Variants in ERBB3 observed in about 807,000 individuals in gnomAD.
ERBB3 encodes erb-b2 receptor tyrosine kinase 3.
Under a neutral mutation model 156.7 loss-of-function variants are expected in ERBB3, and 96 were observed. The ratio of observed to expected loss-of-function variants is 0.61; its 90% CI spans 0.52 to 0.73. ERBB3 has a LOEUF of 0.73. Among genes scored for constraint, ERBB3 ranks in the 30% least tolerant of loss-of-function variants. ERBB3 has a pLI of 0.00. For synonymous variants in ERBB3, 567 were observed against 632.0 expected (o/e 0.90, Z 1.54); for missense variants, 1,406 against 1,709.4 (o/e 0.82, Z 3.13).
Position 56,102,535 on chromosome 12 carries a change from G to A in ERBB3, c.*480G>A, listed in dbSNP as rs560635272. 9.9e-4 allele frequency: 241 copies of A among 243,538 alleles called. 1 individual carries two copies. Among genetic ancestry groups the A allele is most frequent in the African/African-American group, 5.0e-3 (229 of 45,464 alleles). The allele number at this position is 243,538 out of a possible 1,614,324, so 15.1% of individuals were successfully genotyped here. Reference sequence around the variant, plus strand: ...GAAGCTTAAAATCTGTGAAGAAAGAGGTTAGGAGTAGATATTGATTACTAT... The same window carrying A: ...GAAGCTTAAAATCTGTGAAGAAAGAAGTTAGGAGTAGATATTGATTACTAT... On this transcript the variant is annotated 3_prime_UTR_variant, in exon 28 of 28. Transcript: ENST00000267101.
intron 21 of ERBB3, 51 bp from the exon 22 acceptor site, chr12:56,098,449 T>C (rs750513378): frequency 7.6e-7 from 1 of 1,308,238 alleles, no homozygotes; most frequent in South Asian, 1.2e-5. Flanking sequence ...TTGGAAATCC[T>C]AAGAAAATTT....
In ERBB3 at chr12:56,102,889, G is replaced by A. The variant is rs1273447791; in HGVS notation, c.*834G>A. 1 of 225,132 alleles carries A rather than the reference G, an allele frequency of 4.4e-6. No individual in the cohort carries two copies. Among genetic ancestry groups the A allele is most frequent in the Non-Finnish European group, 8.8e-6 (1 of 113,310 alleles). The allele number at this position is 225,132 out of a possible 1,614,324, so 13.9% of individuals were successfully genotyped here. On this transcript the variant is annotated 3_prime_UTR_variant, in exon 28 of 28. Coordinates refer to ENST00000267101, the MANE Select transcript of ERBB3 (RefSeq NM_001982.4). ...TGTAATCCCAGCCAGCACTTTGGGA[G>A]GCTGAGATGGGAAGATCACTTGAGC...
chr12:56,101,063 G>A lies in ERBB3; in HGVS notation c.3204G>A (p.Glu1068=). The A allele has an allele frequency of 6.2e-7, 1 of 1,613,158 alleles. No homozygotes were observed. The highest frequency in any genetic ancestry group is 8.5e-7 in the Non-Finnish European group (1 of 1,179,700). The change falls in exon 27 of 28, where the codon GAG becomes GAA. Residue 1068 remains glutamate, a splice_region_variant and synonymous_variant. Coordinates refer to ENST00000267101, the MANE Select transcript of ERBB3 (RefSeq NM_001982.4). ...TTTCTGTTTATTTTCTTCCTTAGGA[G>A]TCTGCAGTTTCTGGGAGCAGTGAAC... The part of the protein sequence containing the change: ...NQGNLGESCQ[E]SAVSGSSERC...
chr12:56,083,774 C>T lies in ERBB3; in HGVS notation c.106C>T (p.Leu36=), dbSNP rs1475856748. The T allele has an allele frequency of 3.1e-6, 5 of 1,614,140 alleles. No individual in the cohort carries two copies. The South Asian group carries it at 4.4e-5, about 14-fold the overall frequency. The change falls in exon 2 of 28, where the codon CTG becomes TTG. Residue 36 remains leucine (L), a synonymous_variant. Coordinates refer to ENST00000267101, the MANE Select transcript of ERBB3 (RefSeq NM_001982.4). The stretch of plus-strand genomic sequence containing the variant: ...AGTGTGTCCTGGGACTCTGAATGGC[C>T]TGAGTGTGACCGGCGATGCTGAGAA... ...QAVCPGTLNG[L]SVTGDAENQY...
chr12:56,083,883 C>A lies in ERBB3; in HGVS notation c.215C>A (p.Ala72Asp), dbSNP rs570614098. Reference protein sequence around the residue: ...NLEIVLTGHNADLSFLQWIRE... With the variant: ...NLEIVLTGHNDDLSFLQWIRE... ...GAGATTGTGCTCACGGGACACAATGCCGACCTCTCCTTCCTGCAGGTTAGT... is the reference window on the plus strand; with the variant it reads ...GAGATTGTGCTCACGGGACACAATGACGACCTCTCCTTCCTGCAGGTTAGT... Residue 72 changes from alanine (A) to aspartate (D), a missense_variant, in exon 2 of 28, where the codon GCC becomes GAC. Ala to Asp is a moderately radical substitution (Grantham distance 126, BLOSUM62 -2). This residue lies in a region of ERBB3 where 979 missense variants were observed against 1,219.6 expected (regional missense o/e 0.80). Transcript: ENST00000267101. 1 of 1,614,058 alleles carries A rather than the reference C, an allele frequency of 6.2e-7. No individual in the cohort carries two copies. Among genetic ancestry groups the A allele is most frequent in the African/African-American group, 1.3e-5 (1 of 74,998 alleles).
Position 56,103,101 on chromosome 12 carries a change from C to T in ERBB3, c.*1046C>T. The T allele has an allele frequency of 4.3e-6, 1 of 230,884 alleles. No individual in the cohort carries two copies. The highest frequency in any genetic ancestry group is 2.2e-5 in the African/African-American group (1 of 45,140). The allele number at this position is 230,884 out of a possible 1,614,324, so 14.3% of individuals were successfully genotyped here. On this transcript the variant is annotated 3_prime_UTR_variant, in exon 28 of 28. Transcript: ENST00000267101. Reference sequence around the variant, plus strand: ...CAAGAAAAACTGATTTAAGTTACAGCCCTTGTTTAAGGGGCACTGTTTCTT... The same window carrying T: ...CAAGAAAAACTGATTTAAGTTACAGTCCTTGTTTAAGGGGCACTGTTTCTT...
At chr12:56,085,761 C>CAAAAAAA (rs57274370) in intron 3 of ERBB3, 1 of 95,458 alleles carries the variant, frequency 1.0e-5, no homozygotes, top group African/African-American at 5.4e-5. Flanking sequence ...GACTCCGTCT[C>CAAAAAAA]AAAAAAAAAA....
rs1178034903 is a variant in ERBB3, at chr12:56,094,142, C to G, written c.1657C>G (p.His553Asp). 1 of 1,614,130 alleles carries G rather than the reference C, an allele frequency of 6.2e-7. No homozygotes were observed. Among genetic ancestry groups the G allele is most frequent in the South Asian group, 1.1e-5 (1 of 91,084 alleles). The change falls in exon 14 of 28, where the codon CAC becomes GAC. Residue 553 changes from histidine to aspartate, a missense_variant. Physicochemically the swap from His to Asp is moderately conservative, Grantham distance 81. Around this residue, in one of 3 missense-constraint regions of ERBB3, gnomAD observed 979 missense variants for 1,219.6 expected, o/e 0.80. Transcript: ENST00000267101. ...CCATGAGGCCGAATGCTTCTCCTGC[C>G]ACCCGGAATGCCAACCCATGGAGGG... ...FAHEAECFSC[H>D]PECQPMEGTA... is the part of the protein sequence containing the mutation.
Position 56,099,862 on chromosome 12 carries a change from C to T in ERBB3, c.2962C>T (p.Pro988Ser), listed in dbSNP as rs1869029605. 1.2e-6 allele frequency: 2 copies of T among 1,614,144 alleles called. No homozygotes were observed. The highest frequency in any genetic ancestry group is 4.5e-5 in the East Asian group (2 of 44,872). ...GAGAGAGAGTGGGCCTGGAATAGCCCCTGGGCCAGAGCCCCATGGTCTGAC... is the reference window on the plus strand; with the variant it reads ...GAGAGAGAGTGGGCCTGGAATAGCCTCTGGGCCAGAGCCCCATGGTCTGAC... The part of the protein sequence containing the change: ...IKRESGPGIA[P>S]GPEPHGLTNK... Residue 988 changes from proline to serine, a missense_variant, in exon 25 of 28, where the codon CCT becomes TCT. By Grantham distance (74) the Pro-to-Ser change is moderately conservative. Transcript: ENST00000267101.
rs2136794925 is a variant in ERBB3, at chr12:56,088,029, G to A, written c.741G>A (p.Arg247=). The A allele has an allele frequency of 6.2e-7, 1 of 1,614,080 alleles. No individual in the cohort carries two copies. Among genetic ancestry groups the A allele is most frequent in the Non-Finnish European group, 8.5e-7 (1 of 1,180,012 alleles). The stretch of plus-strand genomic sequence containing the variant: ...GCCTCCTTTTTTCCCAGGCCTGCCG[G>A]CACTTCAATGACAGTGGAGCCTGTG... ...GPQDTDCFAC[R]HFNDSGACVP... The change falls in exon 7 of 28, where the codon CGG becomes CGA. Residue 247 remains arginine, a synonymous_variant. Coordinates refer to ENST00000267101, the MANE Select transcript of ERBB3 (RefSeq NM_001982.4).
chr12:56,095,876 A>T (rs746974544), intron 17 of ERBB3, 70 bp downstream of exon 17: 387 of 1,552,284 alleles, frequency 2.5e-4, no homozygotes, highest in Non-Finnish European at 3.0e-4. Context: ...TTTATAGCTT[A>T]ATTTTGAGTG....
Position 56,093,550 on chromosome 12 carries a change from G to A in ERBB3, c.1480G>A (p.Val494Met), listed in dbSNP as rs182692782. 5.0e-6 allele frequency: 8 copies of A among 1,610,016 alleles called. No individual in the cohort carries two copies. Among genetic ancestry groups the A allele is most frequent in the Non-Finnish European group, 5.9e-6 (7 of 1,179,414 alleles). ...IKHNRPRRDC[V>M]AEGKVCDPLC... ...GCATAATCGGCCGCGCAGAGACTGC[G>A]GTGAGGGAAAGGGTCTGCTAGGTGG... is the stretch of plus-strand genomic sequence containing the variant. The change falls in exon 12 of 28, where the codon GTG (valine) becomes ATG (methionine). Residue 494 changes from valine (V) to methionine (M), a missense_variant and splice_region_variant. Around this residue, in one of 3 missense-constraint regions of ERBB3, gnomAD observed 979 missense variants for 1,219.6 expected, o/e 0.80. Transcript: ENST00000267101.
intron 9 of ERBB3, among the ~76,000 whole-genome samples, chr12:56,092,389 C>CAAA (rs60865127): frequency 8.2e-4 from 35 of 42,870 alleles, no homozygotes; most frequent in East Asian, 2.3e-3. Context: ...GACTCTGTCT[C>CAAA]AAAAAAAAAA....
chr12:56,098,956 T>A, intron 23 of ERBB3, 51 bp downstream of exon 23: 2 of 307,564 alleles, frequency 6.5e-6, no homozygotes, highest in South Asian at 6.1e-5. Context: ...TTTTTTTTTC[T>A]TTTTTTTTTT....
chr12:56,095,461 C>A (rs1291618639), intron 16 of ERBB3, 151 bp downstream of exon 16: 3 of 880,046 alleles, frequency 3.4e-6, no homozygotes, highest in Non-Finnish European at 3.7e-6. Context: ...AGAATGCAGG[C>A]TTCTGGACTT....
intron 18 of ERBB3, 56 bp from the exon 19 acceptor site, chr12:56,096,692 A>C (rs1868900067): frequency 6.2e-7 from 1 of 1,613,196 alleles, no homozygotes; most frequent in South Asian, 1.1e-5. Context: ...AGATTTTTGC[A>C]TAGGATTGAC....
rs534155843 is a variant in ERBB3 at position 56,103,120 on chromosome 12, G to C, written c.*1065G>C. The C allele has an allele frequency of 1.7e-5, 4 of 230,968 alleles. No homozygotes were observed. The South Asian group carries it at 7.3e-4, about 42-fold the overall frequency. The allele number at this position is 230,968 out of a possible 1,614,324, so 14.3% of individuals were successfully genotyped here. ...TTACAGCCCTTGTTTAAGGGGCACT[G>C]TTTCTTGTTTTTGCACTGAATCAAG... On this transcript the variant is annotated 3_prime_UTR_variant, in exon 28 of 28. Transcript: ENST00000267101.
chr12:56,084,862 A>G, intron 2 of ERBB3, 133 bp from the exon 3 acceptor site: 1 of 1,462,926 alleles, frequency 6.8e-7, no homozygotes. Context: ...TTTTAAAAAA[A>G]AGAAAAAAAG....
chr12:56,098,230 C>A lies in ERBB3; in HGVS notation c.2617-270C>A, dbSNP rs577122289. 18 of 534,462 alleles carry A rather than the reference C, an allele frequency of 3.4e-5. 1 individual carries two copies. In the South Asian group the frequency reaches 3.6e-4, roughly 11 times the overall value. The allele number at this position is 534,462 out of a possible 1,614,324, so 33.1% of individuals were successfully genotyped here. A position where few individuals can be genotyped will look rare whatever the true frequency, so the allele number is the denominator to read the frequency against. On this transcript the variant is annotated intron_variant, in intron 21 of 27. Coordinates refer to ENST00000267101, the MANE Select transcript of ERBB3 (RefSeq NM_001982.4). ...CCATCCTGGCTAGCACGGTGAAACC[C>A]CGTCTCTACTAAATATACAAAAAAA...
Sources: allele counts gnomAD v4.1 joint callset (sites outside exome capture counted in the v4.1 genomes callset), GRCh38; gene constraint gnomAD v4.1.1; regional missense constraint gnomAD v4.1.1; transcripts MANE v1.5; gene names NCBI Gene and HGNC (gene_info 2026-07-23, HGNC 2026-07-21).